The following MEF2C variants were observed in gnomAD, a reference collection of about 807,000 sequenced individuals.
The protein encoded by MEF2C is myocyte-specific enhancer factor 2C.
In MEF2C, 6 loss-of-function variants were observed where a neutral mutation model predicts 50.5. The ratio of observed to expected loss-of-function variants is 0.12; its 90% CI spans 0.07 to 0.23. MEF2C has a LOEUF of 0.23. MEF2C is among the 10% of genes least tolerant of loss of function. The pLI is 1.00. For missense variants in MEF2C, 276 were observed against 605.0 expected, an observed-to-expected ratio of 0.46 and a Z score of 5.70; for synonymous variants, 183 against 228.0, an observed-to-expected ratio of 0.80 and a Z score of 1.78.
intron 1 of MEF2C, among the ~76,000 whole-genome samples, chr5:88,902,802 A>T (rs1236008916): frequency 6.6e-6 from 1 of 151,516 alleles, no homozygotes; most frequent in Admixed American, 6.6e-5. Flanking sequence ...CACAGCCCAG[A>T]AAATTGATTT....
intron 3 of MEF2C, among the ~76,000 whole-genome samples, chr5:88,783,666 A>T (rs1315383566): frequency 6.6e-6 from 1 of 152,152 alleles, no homozygotes; most frequent in Non-Finnish European, 1.5e-5. Flanking sequence ...TAAAACAGAC[A>T]GTCTAAGTAA....
intron 3 of MEF2C, chr5:88,782,275 G>A: frequency 3.9e-6 from 2 of 509,576 alleles, no homozygotes; most frequent in Non-Finnish European, 5.1e-6. Flanking sequence ...CGAACAGCCT[G>A]GGCAACATGG....
intron 2 of MEF2C, among the ~76,000 whole-genome samples, chr5:88,810,662 T>C (rs1295802242): frequency 3.3e-5 from 5 of 152,152 alleles, no homozygotes; most frequent in Non-Finnish European, 7.4e-5. Flanking sequence ...ATATGGCTGA[T>C]GAACTATAAT....
chr5:88,839,005 G>C (rs976432657), intron 1 of MEF2C, among the ~76,000 whole-genome samples: 1 of 152,108 alleles, frequency 6.6e-6, no homozygotes, highest in Non-Finnish European at 1.5e-5. Flanking sequence ...GACATAATTG[G>C]CGATATATTT....
chr5:88,771,896 A>T (rs1032630958), intron 3 of MEF2C: 4 of 152,304 alleles, frequency 2.6e-5, no homozygotes, highest in African/African-American at 9.6e-5. Flanking sequence ...GACACAGACT[A>T]TTGTAACTGG....
chr5:88,756,162 A>T (rs1775189381), intron 4 of MEF2C, among the ~76,000 whole-genome samples: 1 of 152,348 alleles, frequency 6.6e-6, no homozygotes, highest in Admixed American at 6.5e-5. Context: ...ATAATTTTTT[A>T]AAATTTAATT....
chr5:88,751,207 C>A, intron 5 of MEF2C: 1 of 982,368 alleles, frequency 1.0e-6, no homozygotes, highest in South Asian at 4.7e-5. Context: ...TGAACTTTTT[C>A]TGAGAAATAA....
intron 8 of MEF2C, 79 bp downstream of exon 8, chr5:88,730,132 C>T: frequency 2.1e-6 from 3 of 1,452,022 alleles, no homozygotes; most frequent in Non-Finnish European, 2.8e-6. Context: ...CCAATATCTT[C>T]CAATTTTATC....
chr5:88,761,595 C>T, intron 3 of MEF2C: 1 of 353,220 alleles, frequency 2.8e-6, no homozygotes, highest in Non-Finnish European at 5.1e-6. Flanking sequence ...ATACAGAATT[C>T]TTACGTGCTT....
At chr5:88,814,943 C>T (rs979969927) in intron 2 of MEF2C, among the ~76,000 whole-genome samples, 6 of 151,982 alleles carry the variant, frequency 3.9e-5, no homozygotes, top group African/African-American at 1.4e-4. Flanking sequence ...AATGTTTTGC[C>T]TTTTGAAAAG....
intron 1 of MEF2C, among the ~76,000 whole-genome samples, chr5:88,841,332 C>T (rs1351152608): frequency 6.6e-6 from 1 of 151,896 alleles, no homozygotes; most frequent in Non-Finnish European, 1.5e-5. Context: ...CATGGTGAGA[C>T]CCTGCCTCTA....
intron 1 of MEF2C, chr5:88,878,008 A>G (rs1282567987): frequency 6.6e-6 from 1 of 152,012 alleles, no homozygotes; most frequent in Non-Finnish European, 1.5e-5. Flanking sequence ...ACCCCTTTCT[A>G]CATGTTTGCT....
intron 6 of MEF2C, chr5:88,733,826 T>G (rs1052667575): frequency 1.0e-6 from 1 of 985,306 alleles, no homozygotes; most frequent in Non-Finnish European, 1.2e-6. Context: ...AAACGTGTGT[T>G]AAGTGACAGG....
At chr5:88,810,215 G>A (rs764676673) in intron 2 of MEF2C, among the ~76,000 whole-genome samples, 1 of 151,926 alleles carries the variant, frequency 6.6e-6, no homozygotes. Flanking sequence ...TAGAGATTTT[G>A]GACACATATA....
chr5:88,811,129 C>T (rs936970169), intron 2 of MEF2C, among the ~76,000 whole-genome samples: 3 of 151,944 alleles, frequency 2.0e-5, no homozygotes, highest in Admixed American at 1.3e-4. Flanking sequence ...TTTAAGAAAG[C>T]ACTGACAAAA....
At chr5:88,758,654 A>G (rs1776444016) in intron 4 of MEF2C, among the ~76,000 whole-genome samples, 1 of 152,186 alleles carries the variant, frequency 6.6e-6, no homozygotes, top group South Asian at 2.1e-4. Context: ...GAAACTTTCA[A>G]CAAAATTGAC....
chr5:88,757,875 C>T (rs979762195), intron 4 of MEF2C, among the ~76,000 whole-genome samples: 2 of 151,984 alleles, frequency 1.3e-5, no homozygotes, highest in Admixed American at 6.5e-5. Context: ...AGGATCACGC[C>T]GTTGCACTCC....
At chr5:88,860,120 T>C (rs1268900729) in intron 1 of MEF2C, among the ~76,000 whole-genome samples, 1 of 152,120 alleles carries the variant, frequency 6.6e-6, no homozygotes, top group East Asian at 1.9e-4. Flanking sequence ...GTTTCACAGG[T>C]AGGAAAGGAC....
chr5:88,836,623 T>A (rs758653272), intron 1 of MEF2C, among the ~76,000 whole-genome samples: 3 of 152,166 alleles, frequency 2.0e-5, no homozygotes, highest in Admixed American at 6.5e-5. Flanking sequence ...TGCAGAGGGA[T>A]GTTGCCCTGG....
Sources: allele counts gnomAD v4.1 joint callset (sites outside exome capture counted in the v4.1 genomes callset), GRCh38; gene constraint gnomAD v4.1.1; transcripts MANE v1.5; gene names NCBI Gene and HGNC (gene_info 2026-07-23, HGNC 2026-07-21).